The following CPNE9 variants were observed in gnomAD, a reference collection of about 807,000 sequenced individuals.
CPNE9 encodes the protein copine-9.
CPNE9 carries 59 observed loss-of-function variants against 83.0 expected under a neutral mutation model. That is an observed-to-expected ratio of 0.71 (90% CI 0.58 to 0.88). The LOEUF is 0.88. Ranked by LOEUF, CPNE9 falls within the 40% of genes least tolerant of loss-of-function variation. The pLI is 0.00. For synonymous variants in CPNE9, 256 were observed against 273.4 expected, an observed-to-expected ratio of 0.94 and a Z score of 0.63; for missense variants, 619 against 720.8, an observed-to-expected ratio of 0.86 and a Z score of 1.62.
chr3:9,708,677 A>AG lies in CPNE9; in HGVS notation c.377+2615dup, dbSNP rs1458632433. The stretch of plus-strand genomic sequence containing the variant: ...GAGACGGAGTCTCGCTCTGTCACCC[A>AG]GCTGGAGTGCAGTGGGGAGATCTCG... On this transcript the variant is annotated intron_variant, in intron 7 of 20. Coordinates refer to ENST00000383832, the MANE Select transcript of CPNE9 (RefSeq NM_153635.3). Among the ~76,000 whole-genome samples, 259 of 150,696 alleles carry AG rather than the reference A, an allele frequency of 1.7e-3. 3 individuals carry two copies. Among genetic ancestry groups the AG allele is most frequent in the East Asian group, 5.9e-4 (3 of 5,126 alleles).
intron 7 of CPNE9, among the ~76,000 whole-genome samples, chr3:9,710,764 C>G (rs995549381): frequency 5.3e-5 from 8 of 152,174 alleles, no homozygotes; most frequent in African/African-American, 1.9e-4. Context: ...GTGGCTCACG[C>G]CTGTAATCAA....
At chr3:9,707,606 A>G (rs1383561177) in intron 7 of CPNE9, among the ~76,000 whole-genome samples, 1 of 151,490 alleles carries the variant, frequency 6.6e-6, no homozygotes, top group African/African-American at 2.4e-5. Context: ...GAATTGACAC[A>G]AACTGAGATA....
chr3:9,713,520 C>T (rs1190280860), intron 10 of CPNE9, among the ~76,000 whole-genome samples: 2 of 151,858 alleles, frequency 1.3e-5, no homozygotes, highest in South Asian at 2.1e-4. Flanking sequence ...GGGTGATTAA[C>T]GGATGAATGA....
chr3:9,703,970 C>G lies in CPNE9; in HGVS notation c.-27C>G, dbSNP rs1210846052. On this transcript the variant is annotated 5_prime_UTR_variant, in exon 1 of 21. Transcript: ENST00000383832. ...CCCAGCAGCCCTGGTCTCGCAGCCT[C>G]CTGCGGCTCTGGTCGCCCGACCAGC... is the stretch of plus-strand genomic sequence containing the variant. 1 of 1,583,840 alleles carries G rather than the reference C, an allele frequency of 6.3e-7. No homozygotes were observed. Among genetic ancestry groups the G allele is most frequent in the Non-Finnish European group, 8.6e-7 (1 of 1,168,578 alleles).
rs1575113397 is a variant in CPNE9, at chr3:9,704,788, G to A, written c.149G>A (p.Trp50Ter). 2 of 1,608,494 alleles carry A rather than the reference G, an allele frequency of 1.2e-6. No homozygotes were observed. The highest frequency in any genetic ancestry group is 1.8e-4 in the Middle Eastern group (1 of 5,522). The change falls in exon 3 of 21, where the codon TGG becomes TAG. Residue 50 changes from tryptophan (W) to a stop codon, truncating the protein, a stop_gained. Transcript: ENST00000383832. LOFTEE classifies it high-confidence loss of function. This position sits in a 1 kb window ranked among gnomAD's most constrained non-coding sequence, Gnocchi z 7.1. The part of the protein sequence containing the change: ...LYTQSRASQE[W>*]REFGRTEVID... ...ACGCAGAGCCGGGCCAGCCAGGAGT[G>A]GCGGGAGGTGAGTCCCAGAGCCCCC...
rs1473656862 is a variant in CPNE9 at position 9,712,804 on chromosome 3, T to A, written c.521T>A (p.Phe174Tyr). The A allele has an allele frequency of 6.2e-7, 1 of 1,614,090 alleles. No homozygotes were observed. Among genetic ancestry groups the A allele is most frequent in the South Asian group, 1.1e-5 (1 of 91,092 alleles). Residue 174 changes from phenylalanine to tyrosine, a missense_variant, in exon 9 of 21, where the codon TTC becomes TAC. Coordinates refer to ENST00000383832, the MANE Select transcript of CPNE9 (RefSeq NM_153635.3). Reference protein sequence around the residue: ...FFGKSDPFLVFYRSNEDGTFT... With the variant: ...FFGKSDPFLVYYRSNEDGTFT... ...GGGAAATCAGACCCCTTCCTTGTGT[T>A]CTACAGGAGCAATGAGGATGGCACG...
chr3:9,715,039 A>G, intron 11 of CPNE9, 84 bp downstream of exon 11: 1 of 1,326,600 alleles, frequency 7.5e-7, no homozygotes, highest in East Asian at 2.3e-5. Flanking sequence ...TGAGAACCCC[A>G]AAGTAGCTTT....
chr3:9,723,069 A>G (rs1233305892), intron 17 of CPNE9, among the ~76,000 whole-genome samples: 1 of 152,166 alleles, frequency 6.6e-6, no homozygotes, highest in Non-Finnish European at 1.5e-5. Context: ...CCTGATACAC[A>G]GTAGGTATGC....
intron 10 of CPNE9, among the ~76,000 whole-genome samples, chr3:9,714,349 C>T (rs967899563): frequency 9.9e-5 from 15 of 152,050 alleles, no homozygotes; most frequent in African/African-American, 2.7e-4. Context: ...GATGGATAGA[C>T]GGATGGTTGG....
intron 19 of CPNE9, 38 bp from the exon 20 acceptor site, chr3:9,727,075 G>C: frequency 6.2e-7 from 1 of 1,612,146 alleles, no homozygotes; most frequent in African/African-American, 1.3e-5. Flanking sequence ...GGTGGGGCTG[G>C]AGAGGCCAAT....
chr3:9,706,172 G>C, intron 7 of CPNE9, 109 bp downstream of exon 7: 1 of 1,041,084 alleles, frequency 9.6e-7, no homozygotes, highest in Non-Finnish European at 1.4e-6. Context: ...CCCTGGTCAG[G>C]AGCCTGCCCC....
At chr3:9,705,419 T>TGCCCCCCCC in intron 4 of CPNE9, 45 bp from the exon 5 acceptor site, 1 of 662,642 alleles carries the variant, frequency 1.5e-6, no homozygotes, top group Non-Finnish European at 2.7e-6. Context: ...TTCCACCCTC[T>TGCCCCCCCC]CCCCCACCCA....
Position 9,727,132 on chromosome 3 carries a change from T to A in CPNE9, c.1422T>A (p.Gly474=). The A allele has an allele frequency of 6.2e-7, 1 of 1,614,042 alleles. No individual in the cohort carries two copies. Among genetic ancestry groups the A allele is most frequent in the South Asian group, 1.1e-5 (1 of 91,064 alleles). Residue 474 remains glycine (G), a synonymous_variant, in exon 20 of 21, where the codon GGT becomes GGA. Coordinates refer to ENST00000383832, the MANE Select transcript of CPNE9 (RefSeq NM_153635.3). Reference sequence around the variant, plus strand: ...CTGCAGCAATGGAAGAGTTGGACGGTGATGATGTGCGCGTGTCCTCTAGGG... The same window carrying A: ...CTGCAGCAATGGAAGAGTTGGACGGAGATGATGTGCGCGTGTCCTCTAGGG... ...AMFEAMEELD[G]DDVRVSSRGR... is the part of the protein sequence containing the mutation.
At position 9,712,819 on chromosome 3, in the gene CPNE9, A is replaced by C. The variant is rs1379595438; in HGVS notation, c.536A>C (p.Glu179Ala). 1 of 1,613,874 alleles carries C rather than the reference A, an allele frequency of 6.2e-7. No homozygotes were observed. Among genetic ancestry groups the C allele is most frequent in the Admixed American group, 1.7e-5 (1 of 60,020 alleles). Reference sequence around the variant, plus strand: ...TTCCTTGTGTTCTACAGGAGCAATGAGGATGGCACGTGAGTCACTGCCATC... The same window carrying C: ...TTCCTTGTGTTCTACAGGAGCAATGCGGATGGCACGTGAGTCACTGCCATC... ...DPFLVFYRSN[E>A]DGTFTICHKT... Residue 179 changes from glutamate (E) to alanine (A), a missense_variant, in exon 9 of 21, where the codon GAG (glutamate) becomes GCG (alanine). Glu to Ala is a moderately radical substitution (Grantham distance 107). This residue lies in a region of CPNE9 where 438 missense variants were observed against 562.9 expected (regional missense o/e 0.78). Coordinates refer to ENST00000383832, the MANE Select transcript of CPNE9 (RefSeq NM_153635.3).
chr3:9,726,051 C>T lies in CPNE9; in HGVS notation c.1344C>T (p.Ser448=), dbSNP rs778011474. 53 of 1,589,610 alleles carry T rather than the reference C, an allele frequency of 3.3e-5. No homozygotes were observed. Among genetic ancestry groups the T allele is most frequent in the Middle Eastern group, 1.7e-4 (1 of 5,970 alleles). The change falls in exon 18 of 21, where the codon AGC becomes AGT. Residue 448 remains serine, a splice_region_variant and synonymous_variant. Coordinates refer to ENST00000383832, the MANE Select transcript of CPNE9 (RefSeq NM_153635.3). ...DMTQTKEAIV[S]ASSLPMSIII... The stretch of plus-strand genomic sequence containing the variant: ...CGCAGACCAAGGAGGCCATCGTCAG[C>T]GTGAGTCTGAGGAGGAGGGCTTGGC...
At chr3:9,716,551 AC>A (rs1399913335) in intron 14 of CPNE9, among the ~76,000 whole-genome samples, 1 of 151,828 alleles carries the variant, frequency 6.6e-6, no homozygotes, top group African/African-American at 2.4e-5. Context: ...GCTCACTGCA[AC>A]CTCCGCCTCC....
At position 9,726,724 on chromosome 3, in the gene CPNE9, T is replaced by C; in HGVS notation, c.1402+2T>C. 5 of 1,613,126 alleles carry C rather than the reference T, an allele frequency of 3.1e-6. No individual in the cohort carries two copies. Among genetic ancestry groups the C allele is most frequent in the Non-Finnish European group, 4.2e-6 (5 of 1,179,454 alleles). ...GTGTAGGACCAGCCATGTTTGAGGG[T>C]GAGTAGGAAGGGGTGTCCCTGAGTG... On this transcript the variant is annotated splice_donor_variant, in intron 19 of 20. Coordinates refer to ENST00000383832, the MANE Select transcript of CPNE9 (RefSeq NM_153635.3). LOFTEE classifies it high-confidence loss of function.
At position 9,712,611 on chromosome 3, in the gene CPNE9, A is replaced by T; in HGVS notation, c.441+7A>T. Reference sequence around the variant, plus strand: ...AGAGCTTAGCAATTGTCGGGTCAGTAAGGGCCACATGCTAGACCCAGGAGC... The same window carrying T: ...AGAGCTTAGCAATTGTCGGGTCAGTTAGGGCCACATGCTAGACCCAGGAGC... On this transcript the variant is annotated splice_region_variant and intron_variant, in intron 8 of 20. Transcript: ENST00000383832. 1 of 1,613,652 alleles carries T rather than the reference A, an allele frequency of 6.2e-7. No homozygotes were observed. The highest frequency in any genetic ancestry group is 8.5e-7 in the Non-Finnish European group (1 of 1,179,560).
intron 6 of CPNE9, 127 bp from the exon 7 acceptor site, chr3:9,705,860 G>C: frequency 7.5e-7 from 1 of 1,339,092 alleles, no homozygotes; most frequent in Non-Finnish European, 1.1e-6. Context: ...GCCCATGTAG[G>C]GCCGTGGCTC....
Sources: gnomAD v4.1 joint callset for allele counts (sites outside exome capture counted in the v4.1 genomes callset) on GRCh38, gnomAD v4.1.1 for gene constraint, gnomAD v4.1.1 regional missense constraint, Gnocchi (gnomAD v3.1) non-coding constraint, MANE v1.5 for transcripts, NCBI Gene and HGNC (gene_info 2026-07-23, HGNC 2026-07-21) for gene names.